SERPINE2: variants seen among roughly 807,000 people sequenced by gnomAD.
The protein encoded by SERPINE2 is serpin family E member 2.
In SERPINE2, 14 loss-of-function variants were observed where a neutral mutation model predicts 36.3. That is an observed-to-expected ratio of 0.39 (90% confidence interval 0.25 to 0.60). The LOEUF (loss-of-function observed/expected upper bound fraction) is 0.60, where lower values mean the gene tolerates loss of function less well. Among genes scored for constraint, SERPINE2 ranks in the 20% least tolerant of loss-of-function variants. The pLI is 0.57. For synonymous variants in SERPINE2, 192 were observed against 191.8 expected (o/e 1.00, Z -0.01); for missense variants, 418 against 499.6 (o/e 0.84, Z 1.56).
intron 1 of SERPINE2, among the ~76,000 whole-genome samples, chr2:224,034,079 C>T (rs1692462616): frequency 3.3e-5 from 5 of 152,174 alleles, no homozygotes; most frequent in Admixed American, 3.3e-4. Flanking sequence ...TGGTTTAGTT[C>T]AGACATCTGT....
intron 8 of SERPINE2, among the ~76,000 whole-genome samples, chr2:223,976,874 G>C (rs569324902): frequency 6.6e-6 from 1 of 152,160 alleles, no homozygotes; most frequent in African/African-American, 2.4e-5. Flanking sequence ...ATCTTGCCTC[G>C]AATTGTTAAT....
intron 1 of SERPINE2, among the ~76,000 whole-genome samples, chr2:224,025,090 T>C (rs550412281): frequency 6.6e-6 from 1 of 152,252 alleles, no homozygotes; most frequent in African/African-American, 2.4e-5. Flanking sequence ...CACAGACTCT[T>C]ACACACAGAG....
intron 3 of SERPINE2, among the ~76,000 whole-genome samples, chr2:223,997,131 T>G (rs1238562861): frequency 6.6e-6 from 1 of 152,088 alleles, no homozygotes; most frequent in Admixed American, 6.6e-5. Context: ...TCCTTCACAT[T>G]CTCCTGTTGT....
At chr2:223,976,926 A>T (rs1405958623) in intron 8 of SERPINE2, among the ~76,000 whole-genome samples, 1 of 152,222 alleles carries the variant, frequency 6.6e-6, no homozygotes, top group Non-Finnish European at 1.5e-5. Context: ...GAGAAAACTG[A>T]ATCATAGGAG....
At chr2:223,999,301 A>G (rs1322397752) in intron 2 of SERPINE2, among the ~76,000 whole-genome samples, 1 of 152,196 alleles carries the variant, frequency 6.6e-6, no homozygotes, top group African/African-American at 2.4e-5. Context: ...AAAGAGGCAA[A>G]TAAGTTATAA....
rs189744297 is a variant in SERPINE2 at position 224,034,424 on chromosome 2, C to T, written c.-23+4675G>A. 5.4e-3 allele frequency among the ~76,000 whole-genome samples: 827 copies of T among 152,116 alleles called. 5 individuals carry two copies. The highest frequency in any genetic ancestry group is 9.5e-3 in the Non-Finnish European group (646 of 68,004). ...CACTGGGCGGTACCAGTGCAGTTTA[C>T]GGGAGGTTCAGTTTTGCAAGAAAAG... On this transcript the variant is annotated intron_variant, in intron 1 of 8. Transcript: ENST00000409304.
intron 4 of SERPINE2, 56 bp from the exon 5 acceptor site, chr2:223,985,006 G>T: frequency 6.6e-7 from 1 of 1,514,572 alleles, no homozygotes; most frequent in Non-Finnish European, 9.2e-7. Context: ...GAAGCAGGAT[G>T]AGTGCTTGCT....
chr2:224,009,358 A>G (rs1294261833), intron 1 of SERPINE2, among the ~76,000 whole-genome samples: 1 of 152,176 alleles, frequency 6.6e-6, no homozygotes, highest in African/African-American at 2.4e-5. Flanking sequence ...TGTCCGAATC[A>G]TGACATCTCT....
intron 1 of SERPINE2, among the ~76,000 whole-genome samples, chr2:224,015,749 C>G (rs751268269): frequency 6.6e-6 from 1 of 152,132 alleles, no homozygotes; most frequent in Non-Finnish European, 1.5e-5. Context: ...ACATTAAAAG[C>G]CTGAGTTTCA....
chr2:223,975,658 C>G lies in SERPINE2; in HGVS notation c.*209G>C, dbSNP rs1230534346. On this transcript the variant is annotated 3_prime_UTR_variant, in exon 9 of 9. Transcript: ENST00000409304. ...CATCTGGAAGCCTTTCTATTCATTC[C>G]TCAGTACAGTGTTCCAGCCATCCTG... The G allele has an allele frequency of 1.6e-5, 7 of 445,238 alleles. No individual in the cohort carries two copies. Among genetic ancestry groups the G allele is most frequent in the Non-Finnish European group, 2.8e-5 (7 of 247,554 alleles). 27.6% of individuals were successfully genotyped at this position (445,238 alleles called of 1,614,324 possible).
At chr2:224,003,529 A>G (rs1691273454) in intron 1 of SERPINE2, among the ~76,000 whole-genome samples, 1 of 152,226 alleles carries the variant, frequency 6.6e-6, no homozygotes, top group Non-Finnish European at 1.5e-5. Flanking sequence ...CAATTGGTAA[A>G]TTCATCAATT....
At chr2:224,024,745 C>T (rs1053200518) in intron 1 of SERPINE2, among the ~76,000 whole-genome samples, 4 of 152,184 alleles carry the variant, frequency 2.6e-5, no homozygotes, top group Admixed American at 2.6e-4. Flanking sequence ...TTCACAAGAC[C>T]CGCCTGCTGC....
chr2:223,992,066 T>C (rs1277446502), intron 3 of SERPINE2, 66 bp from the exon 4 acceptor site: 8 of 1,371,592 alleles, frequency 5.8e-6, no homozygotes, highest in Admixed American at 5.6e-5. Flanking sequence ...TGAGGGCAAA[T>C]GGCAGCTGTC....
At chr2:224,025,606 A>G (rs549018836) in intron 1 of SERPINE2, among the ~76,000 whole-genome samples, 1 of 152,344 alleles carries the variant, frequency 6.6e-6, no homozygotes, top group East Asian at 1.9e-4. Flanking sequence ...CCTTCCATGA[A>G]GCAATTTAGC....
intron 1 of SERPINE2, chr2:224,030,986 C>T: frequency 1.0e-6 from 1 of 985,446 alleles, no homozygotes. Context: ...CACACAGATA[C>T]TGGCCTCTTT....
rs1690179860 is a variant in SERPINE2 at position 223,980,337 on chromosome 2, T to C, written c.1046A>G (p.Asp349Gly). 1 of 1,614,040 alleles carries C rather than the reference T, an allele frequency of 6.2e-7. No homozygotes were observed. Among genetic ancestry groups the C allele is most frequent in the Non-Finnish European group, 8.5e-7 (1 of 1,179,958 alleles). ...TGTTGCTGCTGAAGCTTTGGTTCCA[T>C]CTTCACTGACTTCAATTTTTGCTTT... ...LQKAKIEVSE[D>G]GTKASAATTA... Residue 349 changes from aspartate (D) to glycine (G), a missense_variant, in exon 7 of 9, where the codon GAT becomes GGT. Transcript: ENST00000409304.
At chr2:223,992,162 C>T (rs1423101778) in intron 3 of SERPINE2, among the ~76,000 whole-genome samples, 162 bp from the exon 4 acceptor site, 5 of 151,978 alleles carry the variant, frequency 3.3e-5, no homozygotes, top group African/African-American at 1.2e-4. Context: ...TCTAGGTTCC[C>T]CTCCCCCACT....
At chr2:224,008,592 A>G (rs1312778868) in intron 1 of SERPINE2, among the ~76,000 whole-genome samples, 1 of 152,208 alleles carries the variant, frequency 6.6e-6, no homozygotes, top group African/African-American at 2.4e-5. Flanking sequence ...CTTCTGATAC[A>G]ACCCTACAGT....
intron 7 of SERPINE2, chr2:223,979,119 C>T (rs1690124062): frequency 6.6e-6 from 1 of 152,208 alleles, no homozygotes; most frequent in Non-Finnish European, 1.5e-5. Flanking sequence ...GGTATTTTGT[C>T]ATGGCAGCCC....
Sources: allele counts gnomAD v4.1 joint callset (sites outside exome capture counted in the v4.1 genomes callset), GRCh38; gene constraint gnomAD v4.1.1; transcripts MANE v1.5; gene names NCBI Gene and HGNC (gene_info 2026-07-23, HGNC 2026-07-21).